The following ZNG1F variants were observed in gnomAD, a reference collection of about 807,000 sequenced individuals.
The protein encoded by ZNG1F is Zn regulated GTPase metalloprotein activator 1F.
the ZNG1F span, among the ~76,000 whole-genome samples, chr9:41,141,249 A>G: frequency 6.6e-6 from 1 of 151,402 alleles, no homozygotes; most frequent in South Asian, 2.1e-4. Context: ...TGCAGAAGAT[A>G]AGGGTCACAA....
the ZNG1F span, among the ~76,000 whole-genome samples, chr9:41,203,196 A>G: frequency 6.6e-6 from 1 of 152,194 alleles, no homozygotes; most frequent in Non-Finnish European, 1.5e-5. Flanking sequence ...GTTCTGCCAC[A>G]ATAAAATTAC....
chr9:41,154,558 G>A, the ZNG1F span, among the ~76,000 whole-genome samples: 2 of 140,482 alleles, frequency 1.4e-5, no homozygotes, highest in African/African-American at 5.3e-5. Context: ...TCAATCCTAA[G>A]CCAAAAGAAC....
At chr9:41,132,311 C>T in the ZNG1F span, 1 of 1,604,710 alleles carries the variant, frequency 6.2e-7, no homozygotes, top group African/African-American at 1.4e-5. Context: ...CTCATGGACA[C>T]CCTGGACAAT....
chr9:41,174,521 G>C, the ZNG1F span, among the ~76,000 whole-genome samples: 15 of 137,794 alleles, frequency 1.1e-4, no homozygotes, highest in Admixed American at 8.3e-4. Context: ...GGGAATTATA[G>C]TGATAGAACC....
the ZNG1F span, among the ~76,000 whole-genome samples, chr9:41,166,443 T>TAC: frequency 3.1e-4 from 9 of 29,244 alleles, no homozygotes; most frequent in South Asian, 9.0e-3. Flanking sequence ...ATTATTATTA[T>TAC]ACATATATAT....
the ZNG1F span, chr9:41,164,544 A>G: frequency 1.4e-5 from 1 of 70,812 alleles, no homozygotes; most frequent in Non-Finnish European, 3.5e-5. Context: ...GACTTCACAT[A>G]GGAAGGGGGG....
the ZNG1F span, among the ~76,000 whole-genome samples, chr9:41,166,283 G>C: frequency 7.5e-6 from 1 of 133,168 alleles, no homozygotes; most frequent in Non-Finnish European, 1.6e-5. Context: ...GCAAAAATTA[G>C]CTGGGCATGG....
the ZNG1F span, chr9:41,183,567 A>C: frequency 1.9e-5 from 31 of 1,593,776 alleles, no homozygotes; most frequent in Non-Finnish European, 2.5e-5. Flanking sequence ...TCCTCACTTC[A>C]CTGAACAGCA....
the ZNG1F span, chr9:41,145,983 G>A: frequency 5.6e-5 from 7 of 125,580 alleles, no homozygotes; most frequent in Non-Finnish European, 6.8e-5. Context: ...GGGACAGGAC[G>A]GGAGGGGGAA....
At chr9:41,187,052 T>A in the ZNG1F span, among the ~76,000 whole-genome samples, 2 of 146,602 alleles carry the variant, frequency 1.4e-5, no homozygotes, top group Non-Finnish European at 3.0e-5. Flanking sequence ...AGGGCAGTGA[T>A]GTGAAAACTG....
At chr9:41,148,449 A>AT in the ZNG1F span, among the ~76,000 whole-genome samples, 1 of 86,424 alleles carries the variant, frequency 1.2e-5, no homozygotes, top group South Asian at 6.6e-4. Flanking sequence ...CAAAATGTTG[A>AT]TTTTTTCCAG....
the ZNG1F span, among the ~76,000 whole-genome samples, chr9:41,195,680 T>C: frequency 9.1e-6 from 1 of 110,196 alleles, no homozygotes; most frequent in African/African-American, 3.1e-5. Flanking sequence ...AAAGAAACTA[T>C]ATTTTAGATA....
chr9:41,198,390 GA>G, the ZNG1F span, among the ~76,000 whole-genome samples: 1 of 151,126 alleles, frequency 6.6e-6, no homozygotes, highest in Non-Finnish European at 1.5e-5. Context: ...CAATAACAGA[GA>G]AACTCCATCT....
At chr9:41,156,145 C>T in the ZNG1F span, among the ~76,000 whole-genome samples, 9 of 132,568 alleles carry the variant, frequency 6.8e-5, 1 homozygote, top group African/African-American at 2.1e-4. Context: ...GAAGTGTTAA[C>T]GATTAGCCTC....
the ZNG1F span, among the ~76,000 whole-genome samples, chr9:41,200,871 AG>A: frequency 6.6e-6 from 1 of 151,174 alleles, no homozygotes; most frequent in African/African-American, 2.4e-5. Flanking sequence ...AGAACAGCAC[AG>A]GAAAGACCTG....
At chr9:41,139,982 C>T in the ZNG1F span, among the ~76,000 whole-genome samples, 1 of 151,902 alleles carries the variant, frequency 6.6e-6, no homozygotes, top group Admixed American at 6.6e-5. Context: ...TTGGGAGGTG[C>T]TGTTCAATGG....
the ZNG1F span, among the ~76,000 whole-genome samples, chr9:41,185,587 C>G: frequency 5.3e-5 from 8 of 151,188 alleles, no homozygotes; most frequent in Admixed American, 4.6e-4. Flanking sequence ...GCAGGAGAAT[C>G]ACTTTAACCC....
chr9:41,132,069 T>C, the ZNG1F span: 2 of 1,525,242 alleles, frequency 1.3e-6, no homozygotes, highest in Non-Finnish European at 1.8e-6. Context: ...CTAACAAGCT[T>C]TTACGAACAT....
the ZNG1F span, among the ~76,000 whole-genome samples, chr9:41,166,479 C>A: frequency 1.9e-3 from 263 of 141,188 alleles, no homozygotes; most frequent in African/African-American, 6.1e-3. Flanking sequence ...TATATAAAAT[C>A]TTCAATCCCA....
Sources: allele counts gnomAD v4.1 joint callset (sites outside exome capture counted in the v4.1 genomes callset), GRCh38; gene constraint gnomAD v4.1.1; transcripts MANE v1.5; gene names NCBI Gene and HGNC (gene_info 2026-07-23, HGNC 2026-07-21).